FBLN5: variants seen among roughly 807,000 people sequenced by gnomAD.
FBLN5 encodes the protein fibulin 5.
FBLN5 carries 24 observed loss-of-function variants against 61.6 expected under a neutral mutation model. The ratio of observed to expected loss-of-function variants is 0.39; its 90% CI spans 0.28 to 0.55. FBLN5 has a LOEUF of 0.55. Ranked by LOEUF, FBLN5 falls within the 20% of genes least tolerant of loss-of-function variation. FBLN5 has a pLI of 0.65. For synonymous variants in FBLN5, 213 were observed against 219.8 expected, an observed-to-expected ratio of 0.97 and a Z score of 0.27; for missense variants, 470 against 594.1, an observed-to-expected ratio of 0.79 and a Z score of 2.17.
intron 4 of FBLN5, among the ~76,000 whole-genome samples, chr14:91,905,332 C>T (rs1217210521): frequency 6.6e-6 from 1 of 152,074 alleles, no homozygotes; most frequent in Non-Finnish European, 1.5e-5. Context: ...GAGAGGAGGG[C>T]AGATGTGGCA....
intron 4 of FBLN5, among the ~76,000 whole-genome samples, chr14:91,916,657 C>T (rs1254187287): frequency 6.6e-6 from 1 of 152,100 alleles, no homozygotes; most frequent in Non-Finnish European, 1.5e-5. Context: ...GTGACCATCC[C>T]CCAATGTCAT....
At chr14:91,897,878 G>A (rs1016886332) in intron 4 of FBLN5, among the ~76,000 whole-genome samples, 1 of 152,086 alleles carries the variant, frequency 6.6e-6, no homozygotes, top group Non-Finnish European at 1.5e-5. Context: ...GCAAAACCCT[G>A]TTTCTACTAA....
At chr14:91,870,863 G>A (rs1322056597) in intron 10 of FBLN5, among the ~76,000 whole-genome samples, 1 of 152,136 alleles carries the variant, frequency 6.6e-6, no homozygotes, top group East Asian at 1.9e-4. Flanking sequence ...ATTGAATGAT[G>A]AACGAATCAT....
chr14:91,891,905 G>T (rs2267995), intron 5 of FBLN5, among the ~76,000 whole-genome samples: 1 of 152,004 alleles, frequency 6.6e-6, no homozygotes, highest in Non-Finnish European at 1.5e-5. Context: ...AGTTAGGCTG[G>T]GATGAGCTGG....
rs1335906803 is a variant in FBLN5 at position 91,878,101 on chromosome 14, C to G, written c.990-419G>C. 1.0e-5 allele frequency: 4 copies of G among 392,888 alleles called. No homozygotes were observed. In the Admixed American group the frequency reaches 1.4e-4, roughly 13 times the overall value. 24.3% of individuals were successfully genotyped at this position (392,888 alleles called of 1,614,324 possible). A position where few individuals can be genotyped will look rare whatever the true frequency, so the allele number is the denominator to read the frequency against. On this transcript the variant is annotated intron_variant, in intron 9 of 10. Transcript: ENST00000342058. ...TTTTTAAAGTAAGAAACTGGATTAA[C>G]AGGTCTTGGGGATCCTTGTACATTC...
chr14:91,928,950 C>T (rs1047758216), intron 4 of FBLN5, among the ~76,000 whole-genome samples: 1 of 151,704 alleles, frequency 6.6e-6, no homozygotes, highest in Admixed American at 6.6e-5. Context: ...CCCAGCTACT[C>T]GGGAGGCTGA....
rs1010893441 is a variant in FBLN5 at position 91,943,729 on chromosome 14, C to T, written c.18-768G>A. On this transcript the variant is annotated intron_variant, in intron 1 of 10. Coordinates refer to ENST00000342058, the MANE Select transcript of FBLN5 (RefSeq NM_006329.4). The surrounding 1 kb of genome is among the most constrained non-coding windows in gnomAD (Gnocchi z 4.0). The stretch of plus-strand genomic sequence containing the variant: ...CAAAGAAAGGTGTCACAGGAAGTCA[C>T]TGAACCAGAGCATTGAGTCCACATG... Among the ~76,000 whole-genome samples the T allele has an allele frequency of 6.6e-6, 1 of 152,184 alleles. No homozygotes were observed. The highest frequency in any genetic ancestry group is 2.4e-5 in the African/African-American group (1 of 41,440).
intron 5 of FBLN5, among the ~76,000 whole-genome samples, chr14:91,894,419 AAAAAAAAAC>A (rs1304939815): frequency 5.8e-4 from 84 of 145,774 alleles, no homozygotes; most frequent in Non-Finnish European, 8.6e-4. Context: ...AAAAAAAAAA[AAAAAAAAAC>A]CGAAAAAAAC....
At chr14:91,894,901 C>T (rs750439525) in intron 5 of FBLN5, 49 bp downstream of exon 5, 11 of 1,471,514 alleles carry the variant, frequency 7.5e-6, no homozygotes, top group Non-Finnish European at 9.2e-6. Flanking sequence ...ATGCCCCTGG[C>T]AACCGTTAAC....
At chr14:91,940,653 T>C in intron 2 of FBLN5, 37 bp from the exon 3 acceptor site, 2 of 1,588,298 alleles carry the variant, frequency 1.3e-6, no homozygotes, top group South Asian at 2.2e-5. Flanking sequence ...GGCAAGGTCA[T>C]TTCACACCAT....
intron 4 of FBLN5, among the ~76,000 whole-genome samples, chr14:91,925,203 A>G (rs1258724786): frequency 6.6e-6 from 1 of 152,226 alleles, no homozygotes; most frequent in African/African-American, 2.4e-5. Context: ...GACCCCAAGT[A>G]TTCTGCTTCC....
intron 10 of FBLN5, among the ~76,000 whole-genome samples, chr14:91,875,093 T>A (rs1889108082): frequency 3.9e-5 from 6 of 152,116 alleles, no homozygotes. Context: ...GCCTCCAGAG[T>A]AGCTGGGATT....
chr14:91,937,377 G>C (rs1167577790), intron 3 of FBLN5, among the ~76,000 whole-genome samples, 176 bp from the exon 4 acceptor site: 2 of 152,122 alleles, frequency 1.3e-5, no homozygotes, highest in Non-Finnish European at 2.9e-5. Context: ...AAAGTAACCA[G>C]TGTCACTCAA....
chr14:91,894,166 A>G (rs1026984373), intron 5 of FBLN5, among the ~76,000 whole-genome samples: 1 of 151,792 alleles, frequency 6.6e-6, no homozygotes, highest in Non-Finnish European at 1.5e-5. Context: ...TGGGAGGCTG[A>G]GGCAGGCAGA....
intron 4 of FBLN5, among the ~76,000 whole-genome samples, chr14:91,932,439 C>T (rs1412127508): frequency 1.3e-5 from 2 of 152,196 alleles, no homozygotes; most frequent in African/African-American, 2.4e-5. Context: ...AGCCCGGCCC[C>T]GCCCAGCCCA....
At chr14:91,916,845 G>A (rs998104502) in intron 4 of FBLN5, among the ~76,000 whole-genome samples, 7 of 152,076 alleles carry the variant, frequency 4.6e-5, no homozygotes, top group Admixed American at 6.5e-5. Flanking sequence ...TCCTTCATCC[G>A]GTAACAGCAC....
At chr14:91,883,159 A>T in intron 7 of FBLN5, 83 bp from the exon 8 acceptor site, 1 of 1,484,334 alleles carries the variant, frequency 6.7e-7, no homozygotes, top group Non-Finnish European at 9.4e-7. Flanking sequence ...TCCAACTCTC[A>T]CACTGTCTTG....
At chr14:91,877,925 A>C in intron 9 of FBLN5, 1 of 605,662 alleles carries the variant, frequency 1.7e-6, no homozygotes, top group East Asian at 3.5e-5. Context: ...ATAGAATACA[A>C]ACCTTAGATC....
intron 8 of FBLN5, among the ~76,000 whole-genome samples, chr14:91,881,624 C>T (rs1307382690): frequency 3.0e-5 from 4 of 135,592 alleles, no homozygotes; most frequent in African/African-American, 9.9e-5. Flanking sequence ...ATTTTGATGA[C>T]TTAGTACCAA....
Sources: gnomAD v4.1 joint callset for allele counts (sites outside exome capture counted in the v4.1 genomes callset) on GRCh38, gnomAD v4.1.1 for gene constraint, Gnocchi (gnomAD v3.1) non-coding constraint, MANE v1.5 for transcripts, NCBI Gene and HGNC (gene_info 2026-07-23, HGNC 2026-07-21) for gene names.